The following KCNH7 variants were observed in gnomAD, a reference collection of about 807,000 sequenced individuals.
KCNH7 encodes voltage-gated inwardly rectifying potassium channel KCNH7.
A neutral mutation model predicts 120.8 loss-of-function variants in KCNH7; 49 were observed. The ratio of observed to expected loss-of-function variants is 0.41; its 90% CI spans 0.32 to 0.51. The LOEUF is 0.51. Among genes scored for constraint, KCNH7 ranks in the 20% least tolerant of loss-of-function variants. The probability of loss-of-function intolerance (pLI) is 0.38; values close to 1 mark genes in which losing one functional copy is unlikely to be tolerated. For synonymous variants in KCNH7, 547 were observed against 516.1 expected (o/e 1.06, Z -0.81); for missense variants, 1,097 against 1,446.6 (o/e 0.76, Z 3.92).
At chr2:162,576,420 G>T (rs1255404667) in intron 2 of KCNH7, among the ~76,000 whole-genome samples, 1 of 151,978 alleles carries the variant, frequency 6.6e-6, no homozygotes, top group South Asian at 2.1e-4. Flanking sequence ...ATTCTACTAT[G>T]CCAAGATTTA....
chr2:162,433,331 A>G (rs1310433614), intron 8 of KCNH7, among the ~76,000 whole-genome samples: 1 of 152,162 alleles, frequency 6.6e-6, no homozygotes, highest in African/African-American at 2.4e-5. Context: ...AGCAATCCTG[A>G]ACAAAAAGAG....
intron 2 of KCNH7, among the ~76,000 whole-genome samples, chr2:162,614,435 T>C (rs1355634734): frequency 6.6e-6 from 1 of 151,894 alleles, no homozygotes; most frequent in African/African-American, 2.4e-5. Flanking sequence ...AGTAGCACCG[T>C]TTGTTACTGT....
chr2:162,621,750 C>A (rs1173566587), intron 2 of KCNH7, among the ~76,000 whole-genome samples: 2 of 151,996 alleles, frequency 1.3e-5, no homozygotes, highest in African/African-American at 4.8e-5. Flanking sequence ...TATATAACAC[C>A]TTGTTTTACA....
chr2:162,472,300 C>T (rs887875475), intron 6 of KCNH7, among the ~76,000 whole-genome samples: 1 of 152,124 alleles, frequency 6.6e-6, no homozygotes, highest in Non-Finnish European at 1.5e-5. Flanking sequence ...AGTGAACAGG[C>T]AACCTACAGA....
In KCNH7 at chr2:162,804,998, T is replaced by G. The variant is rs746384312; in HGVS notation, c.307+31539A>C. On this transcript the variant is annotated intron_variant, in intron 2 of 15. Coordinates refer to ENST00000332142, the MANE Select transcript of KCNH7 (RefSeq NM_033272.4). ...ATAAGTTGGGGAAAGGACATCCTAT[T>G]TAATAAATGGTGCTGGGAAAACTGG... 3.9e-5 allele frequency among the ~76,000 whole-genome samples: 6 copies of G among 151,942 alleles called. No individual in the cohort carries two copies. In the East Asian group the frequency reaches 9.7e-4, roughly 24 times the overall value.
At chr2:162,443,963 G>A (rs1267496512) in intron 7 of KCNH7, among the ~76,000 whole-genome samples, 7 of 152,162 alleles carry the variant, frequency 4.6e-5, no homozygotes, top group Non-Finnish European at 8.8e-5. Flanking sequence ...CCTTCTGTGT[G>A]AAATGCTCTG....
chr2:162,561,876 C>A (rs1348730332), intron 2 of KCNH7, among the ~76,000 whole-genome samples: 1 of 152,144 alleles, frequency 6.6e-6, no homozygotes, highest in Admixed American at 6.5e-5. Flanking sequence ...GAATACTATG[C>A]AGCCATAAAA....
chr2:162,608,604 A>C (rs1279669172), intron 2 of KCNH7, among the ~76,000 whole-genome samples: 1 of 152,108 alleles, frequency 6.6e-6, no homozygotes, highest in African/African-American at 2.4e-5. Flanking sequence ...TCATATCCTG[A>C]CTTTTGTCAA....
chr2:162,760,738 T>C (rs1559120332), intron 2 of KCNH7, among the ~76,000 whole-genome samples: 1 of 152,206 alleles, frequency 6.6e-6, no homozygotes, highest in East Asian at 1.9e-4. Context: ...AAGCTTGGCT[T>C]CAATATTTTA....
At chr2:162,406,244 C>T (rs1217724572) in intron 9 of KCNH7, among the ~76,000 whole-genome samples, 2 of 151,792 alleles carry the variant, frequency 1.3e-5, no homozygotes, top group African/African-American at 2.4e-5. Flanking sequence ...CAGGCTCCTT[C>T]CGTAGGATTG....
chr2:162,770,489 C>T (rs1683004479), intron 2 of KCNH7, among the ~76,000 whole-genome samples: 1 of 151,890 alleles, frequency 6.6e-6, no homozygotes, highest in Non-Finnish European at 1.5e-5. Flanking sequence ...AGATTGTACG[C>T]TTTGGGTCAA....
At chr2:162,816,126 G>A (rs556867119) in intron 2 of KCNH7, among the ~76,000 whole-genome samples, 22 of 151,942 alleles carry the variant, frequency 1.4e-4, no homozygotes, top group African/African-American at 4.8e-4. Context: ...TTGTGGTGGC[G>A]CATGCCTGTA....
At chr2:162,713,411 C>T (rs1319740030) in intron 2 of KCNH7, among the ~76,000 whole-genome samples, 1 of 152,054 alleles carries the variant, frequency 6.6e-6, no homozygotes, top group Non-Finnish European at 1.5e-5. Context: ...CCAAACTGTA[C>T]TGAATACCTA....
At chr2:162,563,525 G>T (rs1693145947) in intron 2 of KCNH7, among the ~76,000 whole-genome samples, 1 of 152,088 alleles carries the variant, frequency 6.6e-6, no homozygotes. Flanking sequence ...TAGAGTGAAA[G>T]GGTGCAAGCC....
intron 15 of KCNH7, among the ~76,000 whole-genome samples, chr2:162,373,014 CCTA>C (rs1488207761): frequency 6.6e-6 from 1 of 152,098 alleles, no homozygotes; most frequent in East Asian, 1.9e-4. Context: ...ATCTGGCCAG[CCTA>C]CTATTTCTCC....
chr2:162,636,826 T>C (rs796178187), intron 2 of KCNH7, among the ~76,000 whole-genome samples: 3 of 152,234 alleles, frequency 2.0e-5, no homozygotes, highest in African/African-American at 7.2e-5. Flanking sequence ...TGAATGTTGC[T>C]CTGCAAGGCT....
At chr2:162,804,567 A>G (rs755919740) in intron 2 of KCNH7, among the ~76,000 whole-genome samples, 5 of 152,078 alleles carry the variant, frequency 3.3e-5, no homozygotes, top group Non-Finnish European at 5.9e-5. Context: ...TACAAGTAGA[A>G]CTACAAAGCA....
rs75095912 is a variant in KCNH7 at position 162,413,728 on chromosome 2, A to G, written c.2154+9608T>C. Among the ~76,000 whole-genome samples the G allele has an allele frequency of 3.8e-3, 574 of 152,118 alleles. 5 individuals are homozygous for G. The highest frequency in any genetic ancestry group is 0.013 in the African/African-American group (548 of 41,534). On this transcript the variant is annotated intron_variant, in intron 9 of 15. Coordinates refer to ENST00000332142, the MANE Select transcript of KCNH7 (RefSeq NM_033272.4). ...AAGTTTAGTAGGGCCTTTTTAAAAC[A>G]GGAAAGGATCTGTGAACTATAAAAT...
chr2:162,637,950 T>C (rs1177669957), intron 2 of KCNH7, among the ~76,000 whole-genome samples: 12 of 152,112 alleles, frequency 7.9e-5, no homozygotes, highest in Admixed American at 7.9e-4. Flanking sequence ...GGGGTTACCA[T>C]GATTGAGGGA....
Sources: gnomAD v4.1 joint callset for allele counts (sites outside exome capture counted in the v4.1 genomes callset) on GRCh38, gnomAD v4.1.1 for gene constraint, MANE v1.5 for transcripts, NCBI Gene and HGNC (gene_info 2026-07-23, HGNC 2026-07-21) for gene names.